Variants in CATSPERE observed in about 807,000 individuals in gnomAD.
CATSPERE encodes the protein catsper channel auxiliary subunit epsilon.
A neutral mutation model predicts 114.1 loss-of-function variants in CATSPERE; 93 were observed. The ratio of observed to expected loss-of-function variants is 0.81; its 90% CI spans 0.69 to 0.97. CATSPERE has a LOEUF of 0.97. Ranked by LOEUF, CATSPERE falls within the 50% of genes least tolerant of loss-of-function variation. The pLI is 0.00. For synonymous variants in CATSPERE, 341 were observed against 384.1 expected (o/e 0.89, Z 1.31); for missense variants, 1,058 against 1,131.6 (o/e 0.93, Z 0.93).
upstream of CATSPERE, among the ~76,000 whole-genome samples, chr1:244,459,993 A>G (rs1666521221): frequency 6.6e-6 from 1 of 152,182 alleles, no homozygotes; most frequent in Non-Finnish European, 1.5e-5. Flanking sequence ...TTCATAGCCT[A>G]CCCAAAGGGA....
chr1:244,582,286 G>T (rs1666296109), intron 12 of CATSPERE, among the ~76,000 whole-genome samples: 1 of 152,164 alleles, frequency 6.6e-6, no homozygotes, highest in Non-Finnish European at 1.5e-5. Flanking sequence ...CCTGGAGGAA[G>T]ACAACCAACA....
chr1:244,465,384 T>C (rs1667456136), intron 2 of CATSPERE, among the ~76,000 whole-genome samples: 1 of 152,238 alleles, frequency 6.6e-6, no homozygotes, highest in East Asian at 1.9e-4. Context: ...GAAATGTTTT[T>C]ATAATTTTAG....
Position 244,607,957 on chromosome 1 carries a change from A to G in CATSPERE, c.2403+2163A>G, listed in dbSNP as rs1184930384. Among the ~76,000 whole-genome samples, 1 of 152,072 alleles carries G rather than the reference A, an allele frequency of 6.6e-6. No homozygotes were observed. Among genetic ancestry groups the G allele is most frequent in the Non-Finnish European group, 1.5e-5 (1 of 68,018 alleles). ...CCCCATATCTCCTAAAAATAAAAAAATTAGCTGGGCATGCTGGCACACACC... is the reference window on the plus strand; with the variant it reads ...CCCCATATCTCCTAAAAATAAAAAAGTTAGCTGGGCATGCTGGCACACACC... On this transcript the variant is annotated intron_variant, in intron 18 of 21. Coordinates refer to ENST00000366534, the MANE Select transcript of CATSPERE (RefSeq NM_001130957.2). This position sits in a 1 kb window ranked among gnomAD's most constrained non-coding sequence, Gnocchi z 4.4.
chr1:244,538,712 G>A (rs1680737781), intron 8 of CATSPERE, among the ~76,000 whole-genome samples: 4 of 152,034 alleles, frequency 2.6e-5, no homozygotes, highest in Admixed American at 6.5e-5. Flanking sequence ...TTTCCCCCAT[G>A]GGGAAAGATA....
chr1:244,625,266 A>G (rs529901704), intron 20 of CATSPERE, among the ~76,000 whole-genome samples: 1 of 151,016 alleles, frequency 6.6e-6, no homozygotes, highest in Non-Finnish European at 1.5e-5. Context: ...CATGATAGGC[A>G]TGAAAACAAC....
intron 12 of CATSPERE, among the ~76,000 whole-genome samples, chr1:244,583,638 TG>T (rs975846913): frequency 2.0e-5 from 3 of 152,104 alleles, no homozygotes; most frequent in African/African-American, 7.2e-5. Flanking sequence ...GGCCAAAACA[TG>T]GGATACGATG....
At chr1:244,566,652 CTTTTTTTTTTTT>C (rs59466928) in intron 10 of CATSPERE, among the ~76,000 whole-genome samples, 277 of 48,864 alleles carry the variant, frequency 5.7e-3, no homozygotes, top group Middle Eastern at 0.024. Flanking sequence ...GCAACCCCTG[CTTTTTTTTTTTT>C]TTTTTTTTTT....
At chr1:244,617,376 G>A (rs1026548090) in intron 19 of CATSPERE, among the ~76,000 whole-genome samples, 153 bp from the exon 20 acceptor site, 2 of 151,908 alleles carry the variant, frequency 1.3e-5, no homozygotes, top group Admixed American at 6.6e-5. Flanking sequence ...ACCCAGTATC[G>A]CTCTTAAAGT....
At chr1:244,594,273 T>C (rs553395307) in intron 17 of CATSPERE, among the ~76,000 whole-genome samples, 3 of 152,252 alleles carry the variant, frequency 2.0e-5, no homozygotes, top group South Asian at 2.1e-4. Context: ...TGAGCCAAGA[T>C]TGCACCACTG....
At chr1:244,510,119 G>C (rs1313335236) in intron 7 of CATSPERE, among the ~76,000 whole-genome samples, 1 of 151,874 alleles carries the variant, frequency 6.6e-6, no homozygotes, top group East Asian at 1.9e-4. Flanking sequence ...CTAATTTTGG[G>C]TTTGATTTGT....
At chr1:244,595,932 C>CAAAAAAAAAAAAAAAAAAA (rs1668351970) in intron 17 of CATSPERE, among the ~76,000 whole-genome samples, 3 of 150,122 alleles carry the variant, frequency 2.0e-5, no homozygotes, top group Non-Finnish European at 3.0e-5. Flanking sequence ...GACTCCGTCT[C>CAAAAAAAAAAAAAAAAAAA]AAAAAAGAAA....
At chr1:244,610,807 C>G (rs1193165474) in intron 19 of CATSPERE, among the ~76,000 whole-genome samples, 1 of 148,760 alleles carries the variant, frequency 6.7e-6, no homozygotes, top group Non-Finnish European at 1.5e-5. Flanking sequence ...GGCTGCTAAG[C>G]TGGAGGGCAG....
chr1:244,589,359 G>T (rs1667425351), intron 14 of CATSPERE, among the ~76,000 whole-genome samples: 1 of 152,128 alleles, frequency 6.6e-6, no homozygotes, highest in Non-Finnish European at 1.5e-5. Context: ...ATAATCAGTT[G>T]CTGGATTGAT....
At chr1:244,475,898 T>A (rs962327011) in intron 2 of CATSPERE, among the ~76,000 whole-genome samples, 5 of 152,230 alleles carry the variant, frequency 3.3e-5, no homozygotes, top group African/African-American at 1.2e-4. Context: ...TTATACTTTA[T>A]GACTTTTGCT....
Position 244,512,316 on chromosome 1 carries a change from C to T in CATSPERE, c.430-6276C>T, listed in dbSNP as rs1211399197. ...AATTCTTTCTTCTGCTCGATCAAGTCCATTGTTAAAGCTCTTAATTGTATT... is the reference window on the plus strand; with the variant it reads ...AATTCTTTCTTCTGCTCGATCAAGTTCATTGTTAAAGCTCTTAATTGTATT... On this transcript the variant is annotated intron_variant, in intron 7 of 21. Coordinates refer to ENST00000366534, the MANE Select transcript of CATSPERE (RefSeq NM_001130957.2). 9.2e-5 allele frequency among the ~76,000 whole-genome samples: 14 copies of T among 152,240 alleles called. No individual in the cohort carries two copies. The South Asian group carries it at 2.7e-3, about 29-fold the overall frequency.
chr1:244,612,554 A>G (rs997434832), intron 19 of CATSPERE, among the ~76,000 whole-genome samples: 2 of 152,204 alleles, frequency 1.3e-5, no homozygotes, highest in Non-Finnish European at 2.9e-5. Flanking sequence ...GCTTGTCTAC[A>G]TCCACACGAT....
chr1:244,608,418 C>T (rs1441982700), intron 18 of CATSPERE, among the ~76,000 whole-genome samples: 2 of 151,892 alleles, frequency 1.3e-5, no homozygotes, highest in Non-Finnish European at 2.9e-5. Flanking sequence ...CACCTGTAGT[C>T]CTAGCTACTC....
At position 244,542,565 on chromosome 1, in the gene CATSPERE, A is replaced by T. The variant is rs183772005; in HGVS notation, c.537-9757A>T. On this transcript the variant is annotated intron_variant, in intron 8 of 21. Transcript: ENST00000366534. Reference sequence around the variant, plus strand: ...CCTGTTGTTTAGCTCCCACTTACTTATAAGTGAGAACATGCAGTATTTGAT... The same window carrying T: ...CCTGTTGTTTAGCTCCCACTTACTTTTAAGTGAGAACATGCAGTATTTGAT... Among the ~76,000 whole-genome samples the T allele has an allele frequency of 6.6e-5, 10 of 152,126 alleles. No individual in the cohort carries two copies. In the East Asian group the frequency reaches 1.9e-3, roughly 29 times the overall value.
chr1:244,590,952 C>T (rs1406986406), intron 14 of CATSPERE, among the ~76,000 whole-genome samples: 1 of 152,136 alleles, frequency 6.6e-6, no homozygotes, highest in Non-Finnish European at 1.5e-5. Context: ...TGGGTATCTA[C>T]CTAGGAGTGG....
Sources: allele counts gnomAD v4.1 joint callset (sites outside exome capture counted in the v4.1 genomes callset), GRCh38; gene constraint gnomAD v4.1.1; non-coding constraint Gnocchi (gnomAD v3.1); transcripts MANE v1.5; gene names NCBI Gene and HGNC (gene_info 2026-07-23, HGNC 2026-07-21).